The following RALYL variants were observed in gnomAD, a reference collection of about 807,000 sequenced individuals.
RALYL encodes the protein RNA-binding Raly-like protein.
A neutral mutation model predicts 35.1 loss-of-function variants in RALYL; 29 were observed. The observed-to-expected ratio is 0.83, with a 90% confidence interval of 0.61 to 1.13. RALYL has a LOEUF of 1.13. Among genes scored for constraint, RALYL ranks in the 50% most tolerant of loss-of-function variants. RALYL has a pLI of 0.00. For synonymous variants in RALYL, 120 were observed against 127.6 expected, an observed-to-expected ratio of 0.94 and a Z score of 0.40; for missense variants, 359 against 360.4, an observed-to-expected ratio of 1.00 and a Z score of 0.03.
chr8:84,528,565 T>G (rs1194070622), intron 1 of RALYL, among the ~76,000 whole-genome samples: 1 of 152,154 alleles, frequency 6.6e-6, no homozygotes. Context: ...AAGAATAAAA[T>G]TTCAACAGTT....
intron 8 of RALYL, among the ~76,000 whole-genome samples, chr8:84,920,044 A>G (rs1849080619): frequency 6.6e-6 from 1 of 152,086 alleles, no homozygotes; most frequent in South Asian, 2.1e-4. Flanking sequence ...AGCTTTAATA[A>G]ATAAAGTCAA....
chr8:84,419,814 C>T lies in RALYL; in HGVS notation c.-23-109485C>T, dbSNP rs867281791. Among the ~76,000 whole-genome samples, 139 of 150,402 alleles carry T rather than the reference C, an allele frequency of 9.2e-4. 1 individual carries two copies. The highest frequency in any genetic ancestry group is 2.9e-3 in the African/African-American group (119 of 40,516). On this transcript the variant is annotated intron_variant, in intron 1 of 8. Transcript: ENST00000521268. ...ATGCGGTATTTGTTTTTTGTTCTTG[C>T]GATAGTTTACTGAGAATGATGATTT...
intron 1 of RALYL, among the ~76,000 whole-genome samples, chr8:84,491,614 A>T (rs1245470574): frequency 6.6e-6 from 1 of 151,988 alleles, no homozygotes; most frequent in Admixed American, 6.6e-5. Flanking sequence ...TTTTCTCAGA[A>T]TTTCCCCTTG....
intron 1 of RALYL, among the ~76,000 whole-genome samples, chr8:84,360,290 T>C (rs1192210757): frequency 1.3e-5 from 2 of 152,170 alleles, no homozygotes; most frequent in African/African-American, 2.4e-5. Flanking sequence ...TTGTCAACCA[T>C]CAAGAAATAT....
intron 6 of RALYL, among the ~76,000 whole-genome samples, chr8:84,868,226 A>AAAT (rs1839538297): frequency 6.6e-6 from 1 of 152,158 alleles, no homozygotes; most frequent in Non-Finnish European, 1.5e-5. Flanking sequence ...ATTTTTTTAG[A>AAAT]AATAGAGTAT....
chr8:84,243,169 T>C (rs1304796039), intron 1 of RALYL, among the ~76,000 whole-genome samples: 1 of 152,154 alleles, frequency 6.6e-6, no homozygotes, highest in Non-Finnish European at 1.5e-5. Context: ...ACCTGTTCCA[T>C]TGGTCTATGT....
chr8:84,491,061 A>G (rs2055241553), intron 1 of RALYL, among the ~76,000 whole-genome samples: 1 of 151,962 alleles, frequency 6.6e-6, no homozygotes, highest in African/African-American at 2.4e-5. Context: ...CAAAGTGACA[A>G]TAGCTGTATT....
At chr8:84,387,528 T>C (rs1859497764) in intron 1 of RALYL, among the ~76,000 whole-genome samples, 1 of 151,946 alleles carries the variant, frequency 6.6e-6, no homozygotes, top group South Asian at 2.1e-4. Flanking sequence ...CCTCCAGCTC[T>C]GCATTGCAGA....
At chr8:84,857,554 T>C (rs1242587609) in intron 5 of RALYL, among the ~76,000 whole-genome samples, 1 of 152,226 alleles carries the variant, frequency 6.6e-6, no homozygotes, top group Non-Finnish European at 1.5e-5. Flanking sequence ...ACCACGTTTG[T>C]TGACAGTAAA....
Position 84,501,667 on chromosome 8 carries a change from T to C in RALYL, c.-23-27632T>C, listed in dbSNP as rs1013970986. Among the ~76,000 whole-genome samples the C allele has an allele frequency of 9.2e-5, 14 of 152,008 alleles. No homozygotes were observed. The East Asian group carries it at 9.6e-4, about 10-fold the overall frequency. On this transcript the variant is annotated intron_variant, in intron 1 of 8. Transcript: ENST00000521268. ...TTTAGATTATATCGACCCATGTCTA[T>C]ATTTAAATCTATATTTATTTATAAA...
At chr8:84,306,541 C>A (rs899574569) in intron 1 of RALYL, among the ~76,000 whole-genome samples, 4 of 152,118 alleles carry the variant, frequency 2.6e-5, no homozygotes, top group Non-Finnish European at 5.9e-5. Context: ...CGCCTCACTT[C>A]AACTTCAGGA....
chr8:84,544,512 A>G (rs190059330), intron 2 of RALYL, among the ~76,000 whole-genome samples: 255 of 152,014 alleles, frequency 1.7e-3, no homozygotes, highest in African/African-American at 6.0e-3. Flanking sequence ...TATTGTGTAG[A>G]TGCTCCATGT....
chr8:84,844,853 C>G (rs1220305096), intron 4 of RALYL, among the ~76,000 whole-genome samples: 1 of 151,700 alleles, frequency 6.6e-6, no homozygotes, highest in Non-Finnish European at 1.5e-5. Context: ...TCATTCCCAG[C>G]AAACTATGGC....
intron 1 of RALYL, among the ~76,000 whole-genome samples, chr8:84,279,510 A>C (rs1836126133): frequency 6.6e-6 from 1 of 152,214 alleles, no homozygotes; most frequent in African/African-American, 2.4e-5. Context: ...TTCTATTGCT[A>C]TTACTGGCTC....
At chr8:84,908,721 C>T (rs904041666) in intron 8 of RALYL, among the ~76,000 whole-genome samples, 1 of 152,070 alleles carries the variant, frequency 6.6e-6, no homozygotes, top group African/African-American at 2.4e-5. Flanking sequence ...TCCCATATAA[C>T]AATATATTGG....
At chr8:84,760,854 T>C (rs1288071061) in intron 2 of RALYL, among the ~76,000 whole-genome samples, 1 of 152,094 alleles carries the variant, frequency 6.6e-6, no homozygotes, top group Admixed American at 6.6e-5. Context: ...AAGGTTTTAA[T>C]GGAGCTTCTA....
chr8:84,312,497 G>A (rs1391205501), intron 1 of RALYL, among the ~76,000 whole-genome samples: 2 of 152,168 alleles, frequency 1.3e-5, no homozygotes, highest in Non-Finnish European at 2.9e-5. Flanking sequence ...AAAATCAAAA[G>A]CAAGTTAGTT....
chr8:84,408,407 T>A (rs1251832127), intron 1 of RALYL, among the ~76,000 whole-genome samples: 1 of 152,148 alleles, frequency 6.6e-6, no homozygotes, highest in African/African-American at 2.4e-5. Context: ...CAAATAAGGT[T>A]CAAAGTAATA....
At chr8:84,283,355 C>G (rs760321093) in intron 1 of RALYL, among the ~76,000 whole-genome samples, 2 of 152,110 alleles carry the variant, frequency 1.3e-5, no homozygotes, top group Non-Finnish European at 2.9e-5. Flanking sequence ...TGCTCTGTTT[C>G]TCAGCATCAC....
Sources: gnomAD v4.1 joint callset for allele counts (sites outside exome capture counted in the v4.1 genomes callset) on GRCh38, gnomAD v4.1.1 for gene constraint, MANE v1.5 for transcripts, NCBI Gene and HGNC (gene_info 2026-07-23, HGNC 2026-07-21) for gene names.